TENM2: variants seen among roughly 807,000 people sequenced by gnomAD.
TENM2 encodes teneurin transmembrane protein 2, also known as teneurin-2.
A neutral mutation model predicts 245.2 loss-of-function variants in TENM2; 52 were observed. The observed-to-expected ratio is 0.21, with a 90% CI of 0.17 to 0.27. TENM2 has a LOEUF of 0.27. TENM2 is among the 10% of genes least tolerant of loss of function. The pLI, the probability that TENM2 is intolerant of heterozygous loss-of-function variation, is 1.00. For missense variants in TENM2, 3,046 were observed against 3,666.8 expected (o/e 0.83, Z 4.37); for synonymous variants, 1,363 against 1,438.9 (o/e 0.95, Z 1.19).
the TENM2 span, among the ~76,000 whole-genome samples, chr5:167,044,080 G>A: frequency 3.4e-3 from 514 of 150,646 alleles, 1 homozygote; most frequent in Admixed American, 3.4e-3. Context: ...AAGGAAGGAA[G>A]GAAAGACTGT....
the TENM2 span, among the ~76,000 whole-genome samples, chr5:167,115,222 G>C: frequency 6.6e-6 from 1 of 152,284 alleles, no homozygotes; most frequent in East Asian, 1.9e-4. Flanking sequence ...CTGGTTGTGG[G>C]TGTCTAATTC....
chr5:167,959,187 T>C (rs1346800578), intron 4 of TENM2, among the ~76,000 whole-genome samples: 1 of 143,074 alleles, frequency 7.0e-6, no homozygotes, highest in Non-Finnish European at 1.5e-5. Flanking sequence ...TCCTTTTCAT[T>C]CTTTTTTTTT....
At chr5:167,096,996 C>G in the TENM2 span, among the ~76,000 whole-genome samples, 1 of 152,106 alleles carries the variant, frequency 6.6e-6, no homozygotes, top group Non-Finnish European at 1.5e-5. Context: ...AGTCATGAAG[C>G]CTTACACACT....
chr5:167,687,195 T>A (rs1481112908), intron 2 of TENM2, among the ~76,000 whole-genome samples: 1 of 152,174 alleles, frequency 6.6e-6, no homozygotes, highest in East Asian at 1.9e-4. Context: ...TGGTTTAAGT[T>A]TGATTTCTTT....
At chr5:167,844,170 T>G (rs1769817333) in intron 2 of TENM2, among the ~76,000 whole-genome samples, 1 of 152,300 alleles carries the variant, frequency 6.6e-6, no homozygotes, top group South Asian at 2.1e-4. Flanking sequence ...TAAATGTAAA[T>G]GTAAAAGATA....
chr5:167,101,824 G>A, the TENM2 span, among the ~76,000 whole-genome samples: 9 of 72,086 alleles, frequency 1.2e-4, 1 homozygote, highest in East Asian at 3.4e-3. Flanking sequence ...CCCAGCTGGG[G>A]CTCTTGACAT....
chr5:167,438,196 T>A (rs1764674939), intron 2 of TENM2, among the ~76,000 whole-genome samples: 2 of 152,200 alleles, frequency 1.3e-5, no homozygotes. Flanking sequence ...CCATCCAAAA[T>A]GAACTATGTA....
chr5:168,204,684 C>G, intron 19 of TENM2, 63 bp downstream of exon 21: 1 of 1,576,652 alleles, frequency 6.3e-7, no homozygotes, highest in Non-Finnish European at 8.6e-7. Context: ...TGAGTTTGAT[C>G]GGGTAACTGG....
At chr5:167,958,576 A>G (rs1018341245) in intron 4 of TENM2, among the ~76,000 whole-genome samples, 2 of 152,010 alleles carry the variant, frequency 1.3e-5, no homozygotes, top group Admixed American at 1.3e-4. Context: ...CATGGTGTTG[A>G]TGGTCTTTAC....
chr5:168,163,648 G>A (rs1271054676), intron 13 of TENM2, among the ~76,000 whole-genome samples: 1 of 152,182 alleles, frequency 6.6e-6, no homozygotes, highest in Non-Finnish European at 1.5e-5. Context: ...ATAACAAGAT[G>A]CAGACACACT....
At chr5:167,235,374 C>T in the TENM2 span, among the ~76,000 whole-genome samples, 2 of 152,146 alleles carry the variant, frequency 1.3e-5, no homozygotes, top group East Asian at 3.9e-4. Context: ...TGTAACACTG[C>T]CCTTTTGCTC....
chr5:167,494,059 C>G (rs1768620038), intron 2 of TENM2, among the ~76,000 whole-genome samples: 1 of 152,042 alleles, frequency 6.6e-6, no homozygotes, highest in Non-Finnish European at 1.5e-5. Flanking sequence ...AGAGTTGATT[C>G]TTGAAGGATG....
At chr5:167,452,931 T>TTTATATATA (rs1264260420) in intron 2 of TENM2, among the ~76,000 whole-genome samples, 1 of 4,872 alleles carries the variant, frequency 2.1e-4, no homozygotes, top group Non-Finnish European at 7.0e-4. Context: ...AAAGTATGAT[T>TTTATATATA]TATATATATA....
chr5:167,179,591 C>T, the TENM2 span, among the ~76,000 whole-genome samples: 5 of 152,204 alleles, frequency 3.3e-5, no homozygotes, highest in South Asian at 1.0e-3. Context: ...CCCCCGCAAC[C>T]CCGGCTCCCC....
intron 7 of TENM2, among the ~76,000 whole-genome samples, chr5:168,084,148 C>T (rs927526882): frequency 2.0e-5 from 3 of 152,286 alleles, no homozygotes; most frequent in South Asian, 2.1e-4. Context: ...ACCACATTTT[C>T]TTTTTCCACT....
chr5:167,919,747 A>C (rs576177773), intron 3 of TENM2, among the ~76,000 whole-genome samples: 1 of 152,342 alleles, frequency 6.6e-6, no homozygotes, highest in African/African-American at 2.4e-5. Flanking sequence ...CAAGTGGTGA[A>C]GAATTTATGA....
intron 2 of TENM2, among the ~76,000 whole-genome samples, chr5:167,802,699 G>A (rs1765869899): frequency 6.6e-6 from 1 of 152,196 alleles, no homozygotes; most frequent in South Asian, 2.1e-4. Context: ...ATATTTCTTT[G>A]CAGCTTCTAC....
intron 2 of TENM2, among the ~76,000 whole-genome samples, chr5:167,728,453 A>G (rs913794881): frequency 2.0e-5 from 3 of 151,884 alleles, no homozygotes; most frequent in Admixed American, 1.3e-4. Flanking sequence ...AAAATAAAAA[A>G]TAAAAAAAAT....
At chr5:167,537,235 GACCCCCA>G in intron 2 of TENM2, among the ~76,000 whole-genome samples, 1 of 110,164 alleles carries the variant, frequency 9.1e-6, no homozygotes, top group African/African-American at 3.3e-5. Context: ...AATATAGTGA[GACCCCCA>G]TCTCTACCAA....
Sources: allele counts gnomAD v4.1 joint callset (sites outside exome capture counted in the v4.1 genomes callset), GRCh38; gene constraint gnomAD v4.1.1; transcripts MANE v1.5; gene names NCBI Gene and HGNC (gene_info 2026-07-23, HGNC 2026-07-21).